MLN: variants seen among roughly 807,000 people sequenced by gnomAD.
MLN encodes motilin.
A neutral mutation model predicts 13.3 loss-of-function variants in MLN; 14 were observed. The ratio of observed to expected loss-of-function variants is 1.05; its 90% CI spans 0.69 to 1.64. The LOEUF (loss-of-function observed/expected upper bound fraction) is 1.64, where lower values mean the gene tolerates loss of function less well. Ranked by LOEUF, MLN falls within the 40% of genes most tolerant of loss-of-function variation. The pLI is 0.00. For synonymous variants in MLN, 59 were observed against 54.7 expected (o/e 1.08, Z -0.34); for missense variants, 122 against 142.9 (o/e 0.85, Z 0.75).
At chr6:33,802,851 C>T (rs985684333) in intron 1 of MLN, among the ~76,000 whole-genome samples, 2 of 152,056 alleles carry the variant, frequency 1.3e-5, no homozygotes, top group African/African-American at 2.4e-5. Flanking sequence ...CATTCCTGCG[C>T]GTTCCCTGAA....
rs1768039168 is a variant in MLN at position 33,801,144 on chromosome 6, A to G, written c.20T>C (p.Val7Ala). 2 of 1,614,012 alleles carry G rather than the reference A, an allele frequency of 1.2e-6. No homozygotes were observed. Among genetic ancestry groups the G allele is most frequent in the African/African-American group, 1.3e-5 (1 of 75,062 alleles). The change falls in exon 2 of 5, where the codon GTG (valine) becomes GCG (alanine). Residue 7 changes from valine to alanine, a missense_variant. Transcript: ENST00000430124. MVSRKA[V>A]AALLVVHVAA... ...TACATGCACCACCAGCAGAGCAGCC[A>G]CAGCCTTACGGGATACCATCTTGGA...
chr6:33,797,168 C>T (rs1028678880), intron 3 of MLN, among the ~76,000 whole-genome samples: 1 of 152,192 alleles, frequency 6.6e-6, no homozygotes, highest in Admixed American at 6.5e-5. Flanking sequence ...TGGGTTCTGC[C>T]CTGACTCCTG....
intron 4 of MLN, 100 bp downstream of exon 4, chr6:33,795,403 C>G: frequency 1.1e-6 from 1 of 906,788 alleles, no homozygotes; most frequent in Non-Finnish European, 1.7e-6. Flanking sequence ...AAGTGCAAAG[C>G]AGCCAAACAA....
intron 2 of MLN, 77 bp downstream of exon 2, chr6:33,800,970 C>T: frequency 8.6e-7 from 1 of 1,165,512 alleles, no homozygotes; most frequent in Non-Finnish European, 1.3e-6. Flanking sequence ...TGGTCCTTTA[C>T]ACTTTCCTTG....
intron 4 of MLN, 102 bp from the exon 5 acceptor site, chr6:33,794,937 G>A (rs1767874423): frequency 1.4e-6 from 2 of 1,440,590 alleles, no homozygotes; most frequent in Non-Finnish European, 1.9e-6. Flanking sequence ...GGGGGCACAA[G>A]GGCAGGCTGG....
rs1346565350 is a variant in MLN at position 33,795,484 on chromosome 6, A to G, written c.337+19T>C. The G allele has an allele frequency of 6.5e-7, 1 of 1,548,492 alleles. No individual in the cohort carries two copies. On this transcript the variant is annotated intron_variant, in intron 4 of 4. Coordinates refer to ENST00000430124, the MANE Select transcript of MLN (RefSeq NM_002418.3). ...GGCGGAGGCCGGCCAAGCCACAGAG[A>G]TGCCCGCCCTCCCCGTACCATGCTG... is the stretch of plus-strand genomic sequence containing the variant.
intron 3 of MLN, among the ~76,000 whole-genome samples, chr6:33,796,237 T>A (rs1166752911): frequency 6.6e-6 from 1 of 152,122 alleles, no homozygotes; most frequent in African/African-American, 2.4e-5. Flanking sequence ...CTCTGTGGGG[T>A]AGGGATGGTT....
intron 2 of MLN, among the ~76,000 whole-genome samples, chr6:33,800,734 T>C (rs1768024806): frequency 1.3e-5 from 2 of 152,220 alleles, no homozygotes; most frequent in Non-Finnish European, 2.9e-5. Context: ...GATGGGGAGG[T>C]GCTGAGATTC....
chr6:33,800,243 A>T (rs1042032520), intron 2 of MLN, among the ~76,000 whole-genome samples: 11 of 152,224 alleles, frequency 7.2e-5, no homozygotes, highest in Admixed American at 5.2e-4. Flanking sequence ...AGGGTGGAGC[A>T]TGAAAGTCCC....
chr6:33,802,775 A>G (rs1367147845), intron 1 of MLN, among the ~76,000 whole-genome samples: 1 of 152,106 alleles, frequency 6.6e-6, no homozygotes, highest in Admixed American at 6.5e-5. Context: ...GTGCAGCCCC[A>G]GAGGAGCTTG....
rs1450755266 is a variant in MLN at position 33,803,204 on chromosome 6, G to C, written c.-8+749C>G. On this transcript the variant is annotated intron_variant, in intron 1 of 4. Coordinates refer to ENST00000430124, the MANE Select transcript of MLN (RefSeq NM_002418.3). The surrounding 1 kb of genome is among the most constrained non-coding windows in gnomAD (Gnocchi z 4.5). ...TCAAGTGTCCAGCTCTGCATGAAGGGGGTGACCGTCTGCCCTCCCTTGCAG... is the reference window on the plus strand; with the variant it reads ...TCAAGTGTCCAGCTCTGCATGAAGGCGGTGACCGTCTGCCCTCCCTTGCAG... Among the ~76,000 whole-genome samples the C allele has an allele frequency of 6.6e-6, 1 of 152,088 alleles. No homozygotes were observed. The highest frequency in any genetic ancestry group is 1.5e-5 in the Non-Finnish European group (1 of 68,008).
chr6:33,800,381 TG>T (rs1768014774), intron 2 of MLN, among the ~76,000 whole-genome samples: 1 of 152,230 alleles, frequency 6.6e-6, no homozygotes, highest in Non-Finnish European at 1.5e-5. Flanking sequence ...CTCCACTGCC[TG>T]AGTTCCATGA....
At chr6:33,796,771 G>A (rs889674266) in intron 3 of MLN, among the ~76,000 whole-genome samples, 2 of 152,222 alleles carry the variant, frequency 1.3e-5, no homozygotes, top group Non-Finnish European at 1.5e-5. Flanking sequence ...AACACAAGGA[G>A]GCTGGACTGG....
In MLN at chr6:33,802,371, G is replaced by A. The variant is rs528658098; in HGVS notation, c.-7-1201C>T. On this transcript the variant is annotated intron_variant, in intron 1 of 4. Transcript: ENST00000430124. ...GTAGTTACAAGGTTTCAGATAAAGC[G>A]CTCCTCCAGTCCCCAGGCAGCCTGG... Among the ~76,000 whole-genome samples, 9 of 152,262 alleles carry A rather than the reference G, an allele frequency of 5.9e-5. No individual in the cohort carries two copies. In the East Asian group the frequency reaches 7.7e-4, roughly 13 times the overall value.
At chr6:33,801,766 G>A (rs1198120223) in intron 1 of MLN, among the ~76,000 whole-genome samples, 1 of 152,222 alleles carries the variant, frequency 6.6e-6, no homozygotes, top group African/African-American at 2.4e-5. Context: ...TTCCCCGTTG[G>A]GGGAGCGATG....
At chr6:33,801,002 G>T in intron 2 of MLN, 45 bp downstream of exon 2, 1 of 1,419,702 alleles carries the variant, frequency 7.0e-7, no homozygotes, top group Non-Finnish European at 1.0e-6. Context: ...ATAGGTCATA[G>T]TGACCTCAGC....
chr6:33,797,261 T>G (rs1767947950), intron 3 of MLN, among the ~76,000 whole-genome samples: 1 of 152,188 alleles, frequency 6.6e-6, no homozygotes, highest in Admixed American at 6.5e-5. Context: ...CGACCCACAC[T>G]CAGGTCTGGG....
intron 3 of MLN, among the ~76,000 whole-genome samples, chr6:33,798,179 G>A (rs1277798195): frequency 6.6e-6 from 1 of 151,966 alleles, no homozygotes; most frequent in African/African-American, 2.4e-5. Context: ...ACATGTCATT[G>A]CCTGCCACAC....
At chr6:33,798,272 G>A (rs1253349697) in intron 3 of MLN, among the ~76,000 whole-genome samples, 2 of 152,214 alleles carry the variant, frequency 1.3e-5, no homozygotes, top group Non-Finnish European at 2.9e-5. Flanking sequence ...CCTATGGAGT[G>A]TGAGTTCCAC....
Sources: gnomAD v4.1 joint callset for allele counts (sites outside exome capture counted in the v4.1 genomes callset) on GRCh38, gnomAD v4.1.1 for gene constraint, Gnocchi (gnomAD v3.1) non-coding constraint, MANE v1.5 for transcripts, NCBI Gene and HGNC (gene_info 2026-07-23, HGNC 2026-07-21) for gene names.